The following NEK4 variants were observed in gnomAD, a reference collection of about 807,000 sequenced individuals.
NEK4 encodes the protein serine/threonine-protein kinase Nek4.
In NEK4, 86 loss-of-function variants were observed where a neutral mutation model predicts 98.4. The ratio of observed to expected loss-of-function variants is 0.87; its 90% CI spans 0.73 to 1.05. NEK4 has a LOEUF of 1.05. NEK4 is among the 50% of genes least tolerant of loss of function. The pLI is 0.00. For missense variants in NEK4, 898 were observed against 950.3 expected, an observed-to-expected ratio of 0.94 and a Z score of 0.72; for synonymous variants, 328 against 342.2, an observed-to-expected ratio of 0.96 and a Z score of 0.46.
At chr3:52,741,365 A>T in intron 13 of NEK4, 46 bp downstream of exon 13, 1 of 1,124,834 alleles carries the variant, frequency 8.9e-7, no homozygotes, top group Non-Finnish European at 1.4e-6. Flanking sequence ...AATATTCATT[A>T]AAACAGAAAT....
intron 6 of NEK4, chr3:52,754,802 C>A (rs941402176): frequency 4.2e-5 from 13 of 312,858 alleles, no homozygotes; most frequent in Non-Finnish European, 7.8e-5. Flanking sequence ...GGCCGGGCAC[C>A]GTGGCTCATG....
intron 15 of NEK4, among the ~76,000 whole-genome samples, chr3:52,713,026 G>T (rs1395129469): frequency 2.6e-5 from 4 of 152,150 alleles, no homozygotes; most frequent in Non-Finnish European, 5.9e-5. Flanking sequence ...TCTGAGGGTG[G>T]AGCCCTAGCC....
intron 2 of NEK4, among the ~76,000 whole-genome samples, chr3:52,767,818 G>A (rs1179630013): frequency 1.3e-5 from 2 of 151,998 alleles, no homozygotes; most frequent in Middle Eastern, 3.4e-3. Context: ...TTTCATAAAC[G>A]TCTCGCTTTT....
At chr3:52,717,942 T>C (rs1362935603) in intron 15 of NEK4, among the ~76,000 whole-genome samples, 2 of 151,734 alleles carry the variant, frequency 1.3e-5, no homozygotes, top group African/African-American at 2.4e-5. Flanking sequence ...TACAGGCGTA[T>C]GCCACCACAC....
intron 15 of NEK4, among the ~76,000 whole-genome samples, chr3:52,736,063 C>A (rs572232426): frequency 6.6e-6 from 1 of 152,088 alleles, no homozygotes; most frequent in Non-Finnish European, 1.5e-5. Flanking sequence ...CTATGTCTTC[C>A]GTGGCATATT....
intron 15 of NEK4, among the ~76,000 whole-genome samples, chr3:52,715,427 C>T (rs1476823403): frequency 6.6e-6 from 1 of 152,218 alleles, no homozygotes; most frequent in African/African-American, 2.4e-5. Context: ...TGCTCTGTCA[C>T]CCAGGCTGGA....
chr3:52,732,197 CT>C (rs1482821617), intron 15 of NEK4, among the ~76,000 whole-genome samples: 1 of 151,388 alleles, frequency 6.6e-6, no homozygotes, highest in Non-Finnish European at 1.5e-5. Context: ...AGATTGATTT[CT>C]TTTTTTTTCT....
At chr3:52,738,778 C>G (rs1279314063) in intron 14 of NEK4, among the ~76,000 whole-genome samples, 1 of 152,124 alleles carries the variant, frequency 6.6e-6, no homozygotes, top group Non-Finnish European at 1.5e-5. Flanking sequence ...TACTGACATT[C>G]TTTTTTCCCT....
intron 8 of NEK4, 36 bp from the exon 9 acceptor site, chr3:52,746,940 A>G (rs1662495077): frequency 6.6e-7 from 1 of 1,506,212 alleles, no homozygotes; most frequent in African/African-American, 1.4e-5. Context: ...AAAGTATAGC[A>G]GCAACCTGGT....
intron 6 of NEK4, chr3:52,753,733 A>ACT: frequency 1.8e-6 from 1 of 563,332 alleles, no homozygotes; most frequent in South Asian, 1.4e-5. Flanking sequence ...CTTCCTACAG[A>ACT]CTCGTCCACC....
intron 15 of NEK4, among the ~76,000 whole-genome samples, chr3:52,728,924 G>A (rs545421378): frequency 6.6e-6 from 1 of 152,166 alleles, no homozygotes; most frequent in South Asian, 2.1e-4. Context: ...TGTTAGGGTG[G>A]GGAAAAAACT....
intron 15 of NEK4, among the ~76,000 whole-genome samples, chr3:52,724,232 AACACACACACACAC>A (rs10528307): frequency 6.9e-6 from 1 of 145,202 alleles, no homozygotes; most frequent in Non-Finnish European, 1.5e-5. Context: ...TTTGTCTTAA[AACACACACACACAC>A]ACACACACAC....
intron 8 of NEK4, 148 bp from the exon 9 acceptor site, chr3:52,747,052 T>C (rs1202752913): frequency 3.2e-6 from 2 of 624,850 alleles, no homozygotes; most frequent in Admixed American, 2.9e-5. Context: ...TGCAATTTAG[T>C]GTTACATGGA....
Position 52,746,068 on chromosome 3 carries a change from G to T in NEK4, c.1820C>A (p.Ser607Ter), listed in dbSNP as rs1300228180. 1 of 1,613,366 alleles carries T rather than the reference G, an allele frequency of 6.2e-7. No individual in the cohort carries two copies. Among genetic ancestry groups the T allele is most frequent in the East Asian group, 2.2e-5 (1 of 44,882 alleles). The change falls in exon 10 of 16, where the codon TCA (serine) becomes TAA (stop). Residue 607 changes from serine (S) to a stop codon, truncating the protein, a stop_gained. Coordinates refer to ENST00000233027, the MANE Select transcript of NEK4 (RefSeq NM_003157.6). LOFTEE classifies it high-confidence loss of function. ...GCATATGTTCCCACAAACCTTTGAT[G>T]ATGACATCTCACTGCTCCTTGAACT... ...VSSSRSSEMS[S>*]SKDRPLSARE...
chr3:52,740,930 A>G (rs1435509078), intron 13 of NEK4, among the ~76,000 whole-genome samples: 1 of 151,964 alleles, frequency 6.6e-6, no homozygotes, highest in Non-Finnish European at 1.5e-5. Flanking sequence ...GTCCAAAAAA[A>G]AAATGTGAAG....
At chr3:52,767,476 C>T (rs1559452926) in intron 2 of NEK4, among the ~76,000 whole-genome samples, 1 of 152,064 alleles carries the variant, frequency 6.6e-6, no homozygotes, top group Non-Finnish European at 1.5e-5. Flanking sequence ...CTTTGGGAGG[C>T]CGAGGCAGGT....
chr3:52,762,071 G>A (rs1698377831), intron 5 of NEK4, among the ~76,000 whole-genome samples: 1 of 152,198 alleles, frequency 6.6e-6, no homozygotes, highest in South Asian at 2.1e-4. Flanking sequence ...CTCTAGCACT[G>A]CCTCCTCTCT....
Position 52,770,831 on chromosome 3 carries a change from G to T in NEK4, c.-85C>A. 1.6e-6 allele frequency: 2 copies of T among 1,219,022 alleles called. No homozygotes were observed. The highest frequency in any genetic ancestry group is 2.3e-6 in the Non-Finnish European group (2 of 870,902). 75.5% of individuals were successfully genotyped at this position (1,219,022 alleles called of 1,614,324 possible). A position where few individuals can be genotyped will look rare whatever the true frequency, so the allele number is the denominator to read the frequency against. On this transcript the variant is annotated 5_prime_UTR_variant, in exon 1 of 16. Coordinates refer to ENST00000233027, the MANE Select transcript of NEK4 (RefSeq NM_003157.6). ...GCAACAAGAAGCTCGGTTCATGCCC[G>T]AGAGGGGGCAGTGGGGGCGGCTGTT...
chr3:52,714,490 T>C (rs1226620783), intron 15 of NEK4, among the ~76,000 whole-genome samples: 1 of 152,140 alleles, frequency 6.6e-6, no homozygotes. Context: ...ACGCCCACCT[T>C]CGCATGGTCG....
Sources: allele counts gnomAD v4.1 joint callset (sites outside exome capture counted in the v4.1 genomes callset), GRCh38; gene constraint gnomAD v4.1.1; transcripts MANE v1.5; gene names NCBI Gene and HGNC (gene_info 2026-07-23, HGNC 2026-07-21).